Variants in ERBB4 observed in about 807,000 individuals in gnomAD.
The protein encoded by ERBB4 is receptor tyrosine-protein kinase erbB-4.
In ERBB4, 42 loss-of-function variants were observed where a neutral mutation model predicts 158.0. That is an observed-to-expected ratio of 0.27 (90% CI 0.21 to 0.34). The LOEUF is 0.34. Ranked by LOEUF, ERBB4 falls within the 10% of genes least tolerant of loss-of-function variation. The probability of loss-of-function intolerance (pLI) is 1.00; values close to 1 mark genes in which losing one functional copy is unlikely to be tolerated. For synonymous variants in ERBB4, 583 were observed against 558.7 expected, an observed-to-expected ratio of 1.04 and a Z score of -0.61; for missense variants, 1,333 against 1,624.1, an observed-to-expected ratio of 0.82 and a Z score of 3.08.
At chr2:212,002,070 T>C (rs1002180373) in intron 2 of ERBB4, among the ~76,000 whole-genome samples, 1 of 152,198 alleles carries the variant, frequency 6.6e-6, no homozygotes, top group Non-Finnish European at 1.5e-5. Context: ...GAAACTTACA[T>C]GACCAAGAAT....
intron 3 of ERBB4, among the ~76,000 whole-genome samples, chr2:211,894,397 T>G (rs1361987463): frequency 7.6e-6 from 1 of 132,238 alleles, no homozygotes; most frequent in East Asian, 2.3e-4. Context: ...AATATCACAC[T>G]CTGGGGACTG....
chr2:212,132,377 A>G (rs998687803), intron 1 of ERBB4, among the ~76,000 whole-genome samples: 2 of 152,112 alleles, frequency 1.3e-5, no homozygotes, highest in Non-Finnish European at 2.9e-5. Flanking sequence ...AATGCTGGCT[A>G]AACATTATTT....
At chr2:211,883,258 A>G (rs901200704) in intron 3 of ERBB4, among the ~76,000 whole-genome samples, 2 of 152,062 alleles carry the variant, frequency 1.3e-5, no homozygotes, top group Non-Finnish European at 2.9e-5. Flanking sequence ...GAGAACACAT[A>G]GACACAGGAA....
At chr2:211,441,311 TA>T (rs1386907358) in intron 20 of ERBB4, among the ~76,000 whole-genome samples, 3 of 152,142 alleles carry the variant, frequency 2.0e-5, no homozygotes, top group Non-Finnish European at 2.9e-5. Flanking sequence ...TCACATTACT[TA>T]AAATGTGAAT....
chr2:212,418,545 A>G (rs1040178705), intron 1 of ERBB4, among the ~76,000 whole-genome samples: 15 of 150,808 alleles, frequency 9.9e-5, no homozygotes, highest in African/African-American at 3.4e-4. Context: ...ACATATATAT[A>G]TATATGTATA....
intron 1 of ERBB4, among the ~76,000 whole-genome samples, chr2:212,247,182 G>T (rs538586370): frequency 2.8e-4 from 43 of 152,116 alleles, no homozygotes; most frequent in Non-Finnish European, 4.9e-4. Flanking sequence ...ATTCTGAAGA[G>T]ATATGGATGC....
intron 1 of ERBB4, among the ~76,000 whole-genome samples, chr2:212,431,552 A>C (rs924251838): frequency 6.6e-6 from 1 of 152,060 alleles, no homozygotes; most frequent in East Asian, 1.9e-4. Flanking sequence ...AGCAAGAGTA[A>C]TCCTCATTGA....
chr2:211,864,872 G>A (rs1275420881), intron 3 of ERBB4, among the ~76,000 whole-genome samples: 10 of 152,064 alleles, frequency 6.6e-5, no homozygotes, highest in Admixed American at 2.0e-4. Flanking sequence ...TTAGCTGAGC[G>A]TGGTGGTGGG....
intron 20 of ERBB4, among the ~76,000 whole-genome samples, chr2:211,489,208 T>C (rs1371782018): frequency 6.6e-6 from 1 of 152,090 alleles, no homozygotes; most frequent in African/African-American, 2.4e-5. Flanking sequence ...CTGCTTATTG[T>C]TTCATTAATT....
chr2:212,444,822 G>T (rs2092318216), intron 1 of ERBB4, among the ~76,000 whole-genome samples: 1 of 152,064 alleles, frequency 6.6e-6, no homozygotes, highest in African/African-American at 2.4e-5. Context: ...ATTCCTCAGG[G>T]TGATCAGCCA....
chr2:211,640,298 A>G (rs1207964965), intron 16 of ERBB4, among the ~76,000 whole-genome samples: 1 of 152,086 alleles, frequency 6.6e-6, no homozygotes, highest in Non-Finnish European at 1.5e-5. Flanking sequence ...GGAGACCTAC[A>G]AGTGTTCATC....
chr2:212,146,454 G>A (rs1163408659), intron 1 of ERBB4, among the ~76,000 whole-genome samples: 1 of 152,186 alleles, frequency 6.6e-6, no homozygotes, highest in Non-Finnish European at 1.5e-5. Flanking sequence ...ACAATTCTTA[G>A]CTCAGTAAGT....
At chr2:211,711,270 G>T (rs2073690020) in intron 9 of ERBB4, among the ~76,000 whole-genome samples, 1 of 152,054 alleles carries the variant, frequency 6.6e-6, no homozygotes, top group African/African-American at 2.4e-5. Flanking sequence ...TTTTAGAAAT[G>T]ATCTGATACA....
At chr2:212,033,081 G>C (rs2076938430) in intron 2 of ERBB4, among the ~76,000 whole-genome samples, 1 of 151,884 alleles carries the variant, frequency 6.6e-6, no homozygotes, top group South Asian at 2.1e-4. Context: ...TATTAACACA[G>C]CTTAAAACTA....
intron 3 of ERBB4, among the ~76,000 whole-genome samples, chr2:211,910,403 T>C (rs1186926970): frequency 6.8e-6 from 1 of 146,292 alleles, no homozygotes; most frequent in Non-Finnish European, 1.5e-5. Flanking sequence ...TCTTCCTGTG[T>C]TAGTTTGCTA....
rs572371247 is a variant in ERBB4 at position 211,469,741 on chromosome 2, T to A, written c.2488-38641A>T. On this transcript the variant is annotated intron_variant, in intron 20 of 27. Coordinates refer to ENST00000342788, the MANE Select transcript of ERBB4 (RefSeq NM_005235.3). ...AATCGCATCTTAGTCATATAAAATC[T>A]TTGTCGTGCAAGTATAACTCAGGTA... is the stretch of plus-strand genomic sequence containing the variant. Among the ~76,000 whole-genome samples the A allele has an allele frequency of 2.6e-3, 391 of 152,316 alleles. 2 individuals are homozygous for A. The highest frequency in any genetic ancestry group is 4.8e-3 in the Non-Finnish European group (327 of 68,026).
At chr2:211,385,397 A>G (rs1185195715) in intron 27 of ERBB4, among the ~76,000 whole-genome samples, 1 of 152,146 alleles carries the variant, frequency 6.6e-6, no homozygotes, top group Non-Finnish European at 1.5e-5. Context: ...GATAGAATTC[A>G]GGTCTTCTAA....
chr2:212,205,019 T>C (rs931584231), intron 1 of ERBB4, among the ~76,000 whole-genome samples: 4 of 151,758 alleles, frequency 2.6e-5, no homozygotes, highest in African/African-American at 7.3e-5. Flanking sequence ...GGTTTCTCCA[T>C]ATTGGCCAGG....
intron 2 of ERBB4, among the ~76,000 whole-genome samples, chr2:211,995,685 G>T (rs1400584123): frequency 6.6e-6 from 1 of 152,044 alleles, no homozygotes; most frequent in Non-Finnish European, 1.5e-5. Flanking sequence ...ATTACTGCTT[G>T]TATCTCAGGT....
Sources: allele counts gnomAD v4.1 joint callset (sites outside exome capture counted in the v4.1 genomes callset), GRCh38; gene constraint gnomAD v4.1.1; transcripts MANE v1.5; gene names NCBI Gene and HGNC (gene_info 2026-07-23, HGNC 2026-07-21).